USP9X: variants seen among roughly 807,000 people sequenced by gnomAD.
USP9X encodes the protein ubiquitin carboxyl-terminal hydrolase 9X.
A neutral mutation model predicts 190.3 loss-of-function variants in USP9X; 7 were observed. That is an observed-to-expected ratio of 0.04 (90% CI 0.02 to 0.07). The LOEUF is 0.07. Ranked by LOEUF, USP9X falls within the 10% of genes least tolerant of loss-of-function variation. The pLI, the probability that USP9X is intolerant of heterozygous loss-of-function variation, is 1.00. For missense variants in USP9X, 1,010 were observed against 1,916.9 expected, an observed-to-expected ratio of 0.53 and a Z score of 8.83; for synonymous variants, 645 against 659.5, an observed-to-expected ratio of 0.98 and a Z score of 0.34.
chrX:41,209,076 TATAAG>T (rs760961251), intron 32 of USP9X, among the ~76,000 whole-genome samples: 31 of 111,965 alleles, frequency 2.8e-4, no homozygotes, highest in African/African-American at 8.8e-4. Flanking sequence ...ACATATATCT[TATAAG>T]AGATCATATA....
rs56874987 is a variant in USP9X, at chrX:41,184,341, A to AT, written c.3280-46dup. On this transcript the variant is annotated intron_variant, in intron 22 of 44. Coordinates refer to ENST00000378308, the MANE Select transcript of USP9X (RefSeq NM_001039591.3). ...ACTGACAATAGTACAAATAGAAGTT[A>AT]TTTTTTTTTTAAATCTTTTAATACA... The AT allele has an allele frequency of 7.5e-3, 7,997 of 1,064,757 alleles. 307 individuals are homozygous for AT. The African/African-American group carries it at 0.12, about 17-fold the overall frequency. The allele number at this position is 1,064,757 out of a possible 1,213,427, so 87.7% of individuals were successfully genotyped here. A position where few individuals can be genotyped will look rare whatever the true frequency, so the allele number is the denominator to read the frequency against.
intron 5 of USP9X, among the ~76,000 whole-genome samples, chrX:41,135,327 G>A (rs769766176): frequency 5.4e-4 from 60 of 110,632 alleles, no homozygotes; most frequent in Non-Finnish European, 1.1e-3. Flanking sequence ...AAAAAAAAAA[G>A]TGAAAATCTA....
At position 41,143,228 on chromosome X, in the gene USP9X, G is replaced by C. The variant is rs751065046; in HGVS notation, c.1162-63G>C. On this transcript the variant is annotated intron_variant, in intron 9 of 44. Coordinates refer to ENST00000378308, the MANE Select transcript of USP9X (RefSeq NM_001039591.3). ...TCCTTATATTATTTAATAATAGTGTGAGCAATTAAGAAAAAATTGTTTTAA... is the reference window on the plus strand; with the variant it reads ...TCCTTATATTATTTAATAATAGTGTCAGCAATTAAGAAAAAATTGTTTTAA... The C allele has an allele frequency of 4.1e-4, 347 of 850,541 alleles. 2 individuals are homozygous for C. The Middle Eastern group carries it at 0.017, about 42-fold the overall frequency. The allele number at this position is 850,541 out of a possible 1,213,427, so 70.1% of individuals were successfully genotyped here. A position where few individuals can be genotyped will look rare whatever the true frequency, so the allele number is the denominator to read the frequency against.
chrX:41,121,049 C>T (rs1358129532), intron 1 of USP9X, among the ~76,000 whole-genome samples: 2 of 106,062 alleles, frequency 1.9e-5, no homozygotes, highest in Non-Finnish European at 3.9e-5. Flanking sequence ...GGTGTCACCA[C>T]GTTGGCCAGG....
intron 41 of USP9X, among the ~76,000 whole-genome samples, chrX:41,226,277 A>T (rs2063312028): frequency 1.8e-5 from 2 of 111,660 alleles, no homozygotes; most frequent in Admixed American, 1.9e-4. Flanking sequence ...TTTCACTAGA[A>T]TTTTTCTATT....
In USP9X at chrX:41,197,361, C is replaced by G; in HGVS notation, c.4234-3C>G. The stretch of plus-strand genomic sequence containing the variant: ...CCCCCACCCCACCCCCCGCCTTTGG[C>G]AGGATGATGTTAAAAGAACAGGAGA... On this transcript the variant is annotated splice_region_variant and splice_polypyrimidine_tract_variant and intron_variant, in intron 28 of 44. Transcript: ENST00000378308. 1 of 432,378 alleles carries G rather than the reference C, an allele frequency of 2.3e-6. No individual in the cohort carries two copies. Among genetic ancestry groups the G allele is most frequent in the Non-Finnish European group, 3.4e-6 (1 of 294,966 alleles). The allele number at this position is 432,378 out of a possible 1,213,427, so 35.6% of individuals were successfully genotyped here.
intron 14 of USP9X, among the ~76,000 whole-genome samples, chrX:41,157,208 A>G (rs1198028284): frequency 9.0e-6 from 1 of 111,622 alleles, no homozygotes; most frequent in Non-Finnish European, 1.9e-5. Context: ...GAAGCCAGAC[A>G]TGAAAATTAC....
intron 16 of USP9X, 73 bp from the exon 17 acceptor site, chrX:41,167,409 T>TA (rs2062687034): frequency 2.5e-6 from 2 of 803,934 alleles, no homozygotes; most frequent in Non-Finnish European, 3.7e-6. Context: ...TAACTGAGGA[T>TA]ATGGTTTGAA....
At position 41,087,001 on chromosome X, in the gene USP9X, A is replaced by G. The variant is rs1484739171; in HGVS notation, c.-159+892A>G. 2.7e-5 allele frequency among the ~76,000 whole-genome samples: 3 copies of G among 112,453 alleles called. No individual in the cohort carries two copies. The Admixed American group carries it at 2.8e-4, about 11-fold the overall frequency. On this transcript the variant is annotated intron_variant, in intron 1 of 44. Coordinates refer to ENST00000378308, the MANE Select transcript of USP9X (RefSeq NM_001039591.3). ...ATTTGTGTGGATTTCTGTAGCGACT[A>G]GAACTTACACGAGAATTTGCAAAAT...
At position 41,196,313 on chromosome X, in the gene USP9X, A is replaced by G; in HGVS notation, c.4040A>G (p.His1347Arg). The G allele has an allele frequency of 8.3e-7, 1 of 1,211,702 alleles. No homozygotes were observed. The highest frequency in any genetic ancestry group is 1.8e-5 in the South Asian group (1 of 56,971). Reference sequence around the variant, plus strand: ...ATGTGCACCAGATGTTGCATGGGACACCGGCCTCTACTTTTCTTCATTACT... The same window carrying G: ...ATGTGCACCAGATGTTGCATGGGACGCCGGCCTCTACTTTTCTTCATTACT... ...FLMCTRCCMG[H>R]RPLLFFITLL... Residue 1347 changes from histidine (H) to arginine (R), a missense_variant, in exon 27 of 45, where the codon CAC (histidine) becomes CGC (arginine). His to Arg is a conservative substitution (Grantham distance 29). Around this residue, in one of 11 missense-constraint regions of USP9X, gnomAD observed 351 missense variants for 480.8 expected, o/e 0.73. Transcript: ENST00000378308.
intron 26 of USP9X, among the ~76,000 whole-genome samples, chrX:41,191,920 C>T (rs922161158): frequency 4.5e-5 from 5 of 111,482 alleles, no homozygotes; most frequent in African/African-American, 1.6e-4. Flanking sequence ...TGGTCATTGC[C>T]AGTGCGCTCT....
At chrX:41,088,012 T>G (rs2061926054) in intron 1 of USP9X, among the ~76,000 whole-genome samples, 1 of 112,051 alleles carries the variant, frequency 8.9e-6, no homozygotes, top group African/African-American at 3.2e-5. Context: ...TTGTTTGTTT[T>G]TTTGTCTGTC....
Position 41,101,869 on chromosome X carries a change from G to A in USP9X, c.-159+15760G>A, listed in dbSNP as rs750036037. ...GAAAAGAAATGAAGTACTGATACAT[G>A]CTACAACTTGGATGAACTTTGAAAA... On this transcript the variant is annotated intron_variant, in intron 1 of 44. Transcript: ENST00000378308. Among the ~76,000 whole-genome samples, 42 of 111,842 alleles carry A rather than the reference G, an allele frequency of 3.8e-4. No individual in the cohort carries two copies. In the South Asian group the frequency reaches 0.015, roughly 40 times the overall value.
intron 30 of USP9X, among the ~76,000 whole-genome samples, 199 bp downstream of exon 30, chrX:41,198,949 G>GGCC (rs1234484951): frequency 8.9e-6 from 1 of 112,083 alleles, no homozygotes; most frequent in East Asian, 2.8e-4. Context: ...CACTTTGGGA[G>GGCC]GCCAAGGTGG....
intron 14 of USP9X, among the ~76,000 whole-genome samples, chrX:41,161,219 GCA>G (rs1222734831): frequency 1.8e-5 from 2 of 109,561 alleles, no homozygotes; most frequent in Non-Finnish European, 3.8e-5. Flanking sequence ...TAAAGATTAT[GCA>G]CACACGTGTA....
At chrX:41,199,146 T>C (rs1456120732) in intron 30 of USP9X, among the ~76,000 whole-genome samples, 1 of 108,755 alleles carries the variant, frequency 9.2e-6, no homozygotes, top group Non-Finnish European at 1.9e-5. Flanking sequence ...ATCGCGCCAC[T>C]GCACTCCATC....
intron 1 of USP9X, among the ~76,000 whole-genome samples, chrX:41,104,432 A>G (rs1301997440): frequency 8.9e-6 from 1 of 112,236 alleles, no homozygotes; most frequent in East Asian, 2.8e-4. Flanking sequence ...AAAATGTGGT[A>G]GGATTCTGTT....
chrX:41,189,215 G>T, intron 25 of USP9X, 94 bp from the exon 26 acceptor site: 1 of 942,269 alleles, frequency 1.1e-6, no homozygotes, highest in Non-Finnish European at 1.5e-6. Flanking sequence ...GGTGGTTTAA[G>T]TGAGCAGATG....
At position 41,230,512 on chromosome X, in the gene USP9X, C is replaced by T. The variant is rs2063351285; in HGVS notation, c.7443C>T (p.Asp2481=). 3.3e-6 allele frequency: 4 copies of T among 1,209,458 alleles called. No individual in the cohort carries two copies. The South Asian group carries it at 5.3e-5, about 16-fold the overall frequency. The part of the protein sequence containing the change: ...CELCPEEEPD[D]QDAPDEHESP... ...ATATTCAAAATTAGGAGCCAGATGA[C>T]CAAGATGCTCCAGATGAACATGAGT... Residue 2481 remains aspartate, a synonymous_variant, in exon 44 of 45, where the codon GAC becomes GAT. Coordinates refer to ENST00000378308, the MANE Select transcript of USP9X (RefSeq NM_001039591.3).
Sources: allele counts gnomAD v4.1 joint callset (sites outside exome capture counted in the v4.1 genomes callset), GRCh38; gene constraint gnomAD v4.1.1; regional missense constraint gnomAD v4.1.1; transcripts MANE v1.5; gene names NCBI Gene and HGNC (gene_info 2026-07-23, HGNC 2026-07-21).